Variants in CDH12 observed in about 807,000 individuals in gnomAD.
CDH12 encodes the protein cadherin 12, also known as cadherin-12.
CDH12 carries 41 observed loss-of-function variants against 74.1 expected under a neutral mutation model. That is an observed-to-expected ratio of 0.55 (90% CI 0.43 to 0.72). The LOEUF (loss-of-function observed/expected upper bound fraction) is 0.72. Ranked by LOEUF, CDH12 falls within the 30% of genes least tolerant of loss-of-function variation. The pLI, the probability that CDH12 is intolerant of heterozygous loss-of-function variation, is 0.00. For synonymous variants in CDH12, 399 were observed against 355.0 expected (o/e 1.12, Z -1.39); for missense variants, 945 against 977.2 (o/e 0.97, Z 0.44).
chr5:22,040,332 C>A (rs1013982107), intron 5 of CDH12, among the ~76,000 whole-genome samples: 1 of 151,954 alleles, frequency 6.6e-6, no homozygotes, highest in Non-Finnish European at 1.5e-5. Context: ...AATGCACAAA[C>A]ATTTGCATTA....
intron 5 of CDH12, among the ~76,000 whole-genome samples, chr5:22,059,011 G>A (rs994292679): frequency 3.3e-5 from 5 of 151,922 alleles, no homozygotes; most frequent in African/African-American, 1.2e-4. Context: ...GATACTACAC[G>A]AGTACAGCTG....
chr5:22,733,353 C>T (rs540203785), intron 1 of CDH12, among the ~76,000 whole-genome samples: 24 of 151,466 alleles, frequency 1.6e-4, no homozygotes, highest in Admixed American at 3.3e-4. Context: ...TCAAAAACTA[C>T]GTTAAAAAAG....
intron 4 of CDH12, among the ~76,000 whole-genome samples, chr5:22,182,113 G>A (rs954514435): frequency 4.6e-5 from 7 of 151,768 alleles, no homozygotes; most frequent in African/African-American, 7.3e-5. Context: ...TAGTTTTTAC[G>A]ACCTGAACAA....
chr5:22,625,326 A>C (rs1738230521), intron 1 of CDH12, among the ~76,000 whole-genome samples: 1 of 152,206 alleles, frequency 6.6e-6, no homozygotes, highest in Non-Finnish European at 1.5e-5. Context: ...TGAATAAATA[A>C]ATAAGTTCAA....
At chr5:22,339,127 A>ATT (rs1336318121) in intron 3 of CDH12, among the ~76,000 whole-genome samples, 2 of 152,236 alleles carry the variant, frequency 1.3e-5, no homozygotes, top group African/African-American at 4.8e-5. Flanking sequence ...AAAATGGGAC[A>ATT]TGACAAATGT....
At chr5:22,666,282 C>CTTTTTTTTTTTTTTTTTTTTTTTTTTTTT (rs1161509257) in intron 1 of CDH12, among the ~76,000 whole-genome samples, 1 of 83,534 alleles carries the variant, frequency 1.2e-5, no homozygotes, top group Admixed American at 1.5e-4. Flanking sequence ...ATCTCTCTAT[C>CTTTTTTTTTTTTTTTTTTTTTTTTTTTTT]TTTTTTTTTT....
At chr5:22,233,673 A>C (rs1298535711) in intron 3 of CDH12, among the ~76,000 whole-genome samples, 1 of 152,204 alleles carries the variant, frequency 6.6e-6, no homozygotes, top group Non-Finnish European at 1.5e-5. Flanking sequence ...GTATTTTTGA[A>C]CAACAGGAAC....
chr5:22,842,507 G>A (rs1372384476), intron 1 of CDH12, among the ~76,000 whole-genome samples: 1 of 152,078 alleles, frequency 6.6e-6, no homozygotes, highest in Non-Finnish European at 1.5e-5. Flanking sequence ...TCAAGGACCA[G>A]AGCTTAATAG....
intron 11 of CDH12, among the ~76,000 whole-genome samples, chr5:21,767,108 A>T (rs1229891885): frequency 6.6e-6 from 1 of 151,898 alleles, no homozygotes; most frequent in Non-Finnish European, 1.5e-5. Flanking sequence ...AATGTGAATA[A>T]CTTAAACTAC....
At chr5:22,815,938 T>TG (rs1207785356) in intron 1 of CDH12, among the ~76,000 whole-genome samples, 1 of 151,840 alleles carries the variant, frequency 6.6e-6, no homozygotes, top group African/African-American at 2.4e-5. Context: ...GTTCTAGGTT[T>TG]GAAAAAAAAG....
chr5:21,824,948 G>A (rs1186904604), intron 8 of CDH12, among the ~76,000 whole-genome samples: 1 of 152,134 alleles, frequency 6.6e-6, no homozygotes, highest in African/African-American at 2.4e-5. Flanking sequence ...GAGCTCAGGA[G>A]TTCGAGACCG....
intron 7 of CDH12, among the ~76,000 whole-genome samples, chr5:21,844,992 GAGGTAGGTAGAT>G (rs1750080811): frequency 9.3e-6 from 1 of 107,718 alleles, no homozygotes; most frequent in Admixed American, 1.1e-4. Flanking sequence ...TGAGACTACT[GAGGTAGGTAGAT>G]AGATAGATAG....
intron 3 of CDH12, among the ~76,000 whole-genome samples, chr5:22,222,080 A>C (rs1752036910): frequency 6.6e-6 from 1 of 151,996 alleles, no homozygotes; most frequent in African/African-American, 2.4e-5. Flanking sequence ...TGGATATAAA[A>C]TAGTCACTTA....
intron 4 of CDH12, among the ~76,000 whole-genome samples, chr5:22,117,592 C>A (rs1745252080): frequency 7.4e-6 from 1 of 134,348 alleles, no homozygotes; most frequent in African/African-American, 2.8e-5. Context: ...GCTATTGGTC[C>A]TTGATTTTAA....
At chr5:22,592,508 TCTTC>T (rs1736383601) in intron 1 of CDH12, among the ~76,000 whole-genome samples, 1 of 152,206 alleles carries the variant, frequency 6.6e-6, no homozygotes, top group Admixed American at 6.5e-5. Flanking sequence ...TTATGTCTCC[TCTTC>T]CTTCGTTTTC....
chr5:21,962,376 C>G (rs567445015), intron 6 of CDH12, among the ~76,000 whole-genome samples: 1 of 152,266 alleles, frequency 6.6e-6, no homozygotes, highest in South Asian at 2.1e-4. Context: ...CTGCCAGTGA[C>G]TCTTTCATTG....
Position 22,427,988 on chromosome 5 carries a change from C to A in CDH12, c.-427-22637G>T, listed in dbSNP as rs111481239. Among the ~76,000 whole-genome samples the A allele has an allele frequency of 2.6e-5, 4 of 152,054 alleles. No individual in the cohort carries two copies. The South Asian group carries it at 8.3e-4, about 32-fold the overall frequency. On this transcript the variant is annotated intron_variant, in intron 2 of 14. Transcript: ENST00000382254. ...TATAAAAGAAAAGAAGAACACATAT[C>A]GAGGGACTACTAGTAGGTTCTACTA...
At chr5:22,501,328 G>T (rs576302096) in intron 2 of CDH12, among the ~76,000 whole-genome samples, 11 of 152,086 alleles carry the variant, frequency 7.2e-5, no homozygotes, top group Non-Finnish European at 1.2e-4. Flanking sequence ...GATAATTCAT[G>T]GAAGACTGGG....
At chr5:22,548,719 G>A (rs1361149447) in intron 1 of CDH12, among the ~76,000 whole-genome samples, 1 of 151,808 alleles carries the variant, frequency 6.6e-6, no homozygotes, top group African/African-American at 2.4e-5. Context: ...GGCAGGAGAA[G>A]GTAAATCATT....
Sources: allele counts gnomAD v4.1 joint callset (sites outside exome capture counted in the v4.1 genomes callset), GRCh38; gene constraint gnomAD v4.1.1; transcripts MANE v1.5; gene names NCBI Gene and HGNC (gene_info 2026-07-23, HGNC 2026-07-21).